The following XPC variants were observed in gnomAD, a reference collection of about 807,000 sequenced individuals.
XPC encodes DNA repair protein complementing XP-C cells.
A neutral mutation model predicts 95.8 loss-of-function variants in XPC; 76 were observed. That is an observed-to-expected ratio of 0.79 (90% CI 0.66 to 0.96). The LOEUF (loss-of-function observed/expected upper bound fraction) is 0.96. Ranked by LOEUF, XPC falls within the 40% of genes least tolerant of loss-of-function variation. The pLI, the probability that XPC is intolerant of heterozygous loss-of-function variation, is 0.00. For synonymous variants in XPC, 442 were observed against 442.1 expected, an observed-to-expected ratio of 1.00 and a Z score of 0.00; for missense variants, 1,146 against 1,179.8, an observed-to-expected ratio of 0.97 and a Z score of 0.42.
chr3:14,152,745 A>G (rs1387250520), intron 10 of XPC: 1 of 265,990 alleles, frequency 3.8e-6, no homozygotes, highest in East Asian at 9.9e-5. Context: ...GATGGGGTAA[A>G]GGCCGCTGTG....
rs749416355 is a variant in XPC at position 14,168,274 on chromosome 3, C to T, written c.519G>A (p.Ala173=). The change falls in exon 4 of 16, where the codon GCG becomes GCA. Residue 173 remains alanine (A), a synonymous_variant. Transcript: ENST00000285021. ...VEIEIETPEQ[A]KTRERSEKIK... ...AAGCTTACCTTCTTTCTCTTGTCTT[C>T]GCCTGCTCTGGCGTTTCAATCTCTA... 3.7e-6 allele frequency: 6 copies of T among 1,612,540 alleles called. No homozygotes were observed. In the African/African-American group the frequency reaches 4.0e-5, roughly 11 times the overall value.
In XPC at chr3:14,167,223, A is replaced by T; in HGVS notation, c.567T>A (p.Tyr189Ter). Residue 189 changes from tyrosine to a stop codon, truncating the protein, a stop_gained, in exon 5 of 16, where the codon TAT becomes TAA. Transcript: ENST00000285021. LOFTEE classifies it high-confidence loss of function. ...SEKIKLEFETYLRRAMKRFNK... is the reference protein window; with the variant it reads ...SEKIKLEFET ...TGAAACGTTTCATCGCCCTCCGAAGATATGTCTCAAACTCCAGTTTTATCT... is the reference window on the plus strand; with the variant it reads ...TGAAACGTTTCATCGCCCTCCGAAGTTATGTCTCAAACTCCAGTTTTATCT... 1 of 1,611,188 alleles carries T rather than the reference A, an allele frequency of 6.2e-7. No individual in the cohort carries two copies. Among genetic ancestry groups the T allele is most frequent in the Non-Finnish European group, 8.5e-7 (1 of 1,178,624 alleles).
chr3:14,152,487 G>C, intron 10 of XPC, 71 bp from the exon 11 acceptor site: 1 of 1,455,250 alleles, frequency 6.9e-7, no homozygotes, highest in Non-Finnish European at 9.4e-7. Context: ...GGACAGTGGA[G>C]AGCGCAGCCC....
intron 11 of XPC, chr3:14,151,597 T>C (rs1441801595): frequency 6.6e-6 from 1 of 152,080 alleles, no homozygotes; most frequent in Non-Finnish European, 1.5e-5. Context: ...TCCCGGAGTC[T>C]TGCAACCCCC....
intron 1 of XPC, among the ~76,000 whole-genome samples, chr3:14,177,052 C>T (rs1186406843): frequency 6.6e-6 from 1 of 152,122 alleles, no homozygotes; most frequent in African/African-American, 2.4e-5. Flanking sequence ...CCACTGCACT[C>T]CAGCCTCAGC....
intron 1 of XPC, among the ~76,000 whole-genome samples, chr3:14,175,220 A>G (rs1234046943): frequency 6.6e-6 from 1 of 152,056 alleles, no homozygotes; most frequent in East Asian, 1.9e-4. Flanking sequence ...TTTTCCCCAG[A>G]ACTTCCTATG....
Position 14,158,981 on chromosome 3 carries a change from T to G in XPC, c.991-89A>C. ...AATCCTGTAATCTAATAGGGTTAAG[T>G]CACCAGCTAGAGAACCAATACATCA... On this transcript the variant is annotated intron_variant, in intron 8 of 15. Transcript: ENST00000285021. The surrounding 1 kb of genome is among the most constrained non-coding windows in gnomAD (Gnocchi z 5.2). 1 of 1,541,666 alleles carries G rather than the reference T, an allele frequency of 6.5e-7. No homozygotes were observed. Among genetic ancestry groups the G allele is most frequent in the Non-Finnish European group, 8.8e-7 (1 of 1,130,666 alleles).
At position 14,148,563 on chromosome 3, in the gene XPC, C is replaced by G. The variant is rs745660242; in HGVS notation, c.2419G>C (p.Val807Leu). The stretch of plus-strand genomic sequence containing the variant: ...CTCCATCGAAGGCCCCTCACGCACA[C>G]GGGATGGGAGTAGCCGCCATGGAAA... ...FDFHGGYSHP[V>L]TDGYIVCEEF... The change falls in exon 13 of 16, where the codon GTG becomes CTG. Residue 807 changes from valine to leucine, a missense_variant and splice_region_variant. Coordinates refer to ENST00000285021, the MANE Select transcript of XPC (RefSeq NM_004628.5). 4.3e-6 allele frequency: 7 copies of G among 1,613,600 alleles called. No individual in the cohort carries two copies. The highest frequency in any genetic ancestry group is 5.1e-6 in the Non-Finnish European group (6 of 1,179,804).
At chr3:14,175,407 T>G (rs1031352361) in intron 1 of XPC, among the ~76,000 whole-genome samples, 1 of 152,196 alleles carries the variant, frequency 6.6e-6, no homozygotes, top group African/African-American at 2.4e-5. Context: ...CACAGCAGTC[T>G]TAGCACAGGG....
rs749372613 is a variant in XPC at position 14,145,899 on chromosome 3, G to A, written c.*42C>T. 5.1e-6 allele frequency: 8 copies of A among 1,583,078 alleles called. No homozygotes were observed. In the Admixed American group the frequency reaches 1.2e-4, roughly 24 times the overall value. ...AGGGCAGGTGTGGGGCCTGTAGTGGGGCAGCAGCAACTGGTGGGTGCCCCT... is the reference window on the plus strand; with the variant it reads ...AGGGCAGGTGTGGGGCCTGTAGTGGAGCAGCAGCAACTGGTGGGTGCCCCT... On this transcript the variant is annotated 3_prime_UTR_variant, in exon 16 of 16. Transcript: ENST00000285021.
rs982967274 is a variant in XPC at position 14,148,866 on chromosome 3, A to G, written c.2198T>C (p.Phe733Ser). 8 of 1,614,006 alleles carry G rather than the reference A, an allele frequency of 5.0e-6. No individual in the cohort carries two copies. Among genetic ancestry groups the G allele is most frequent in the Non-Finnish European group, 6.8e-6 (8 of 1,179,892 alleles). The change falls in exon 12 of 16, where the codon TTT (phenylalanine) becomes TCT (serine). Residue 733 changes from phenylalanine to serine, a missense_variant. Physicochemically the swap from Phe to Ser is radical, Grantham distance 155. Coordinates refer to ENST00000285021, the MANE Select transcript of XPC (RefSeq NM_004628.5). ...ATACTCCTCTGTCTGCCAGTAGCCAAACAGGCCCAGGTCATTTTCTTCCCG... is the reference window on the plus strand; with the variant it reads ...ATACTCCTCTGTCTGCCAGTAGCCAGACAGGCCCAGGTCATTTTCTTCCCG... ...QLREENDLGL[F>S]GYWQTEEYQP...
rs761019889 is a variant in XPC, at chr3:14,165,580, G to A, written c.627C>T (p.His209=). 1.2e-6 allele frequency: 2 copies of A among 1,613,224 alleles called. No homozygotes were observed. Among genetic ancestry groups the A allele is most frequent in the Admixed American group, 1.7e-5 (1 of 59,916 alleles). ...KGVHEDTHKV[H]LLCLLANGFY... is the part of the protein sequence containing the mutation. ...AGCCATTTGCTAGCAGGCAGAGAAG[G>A]TGAACCTGTGAAGAGGAAAGGAGGA... Residue 209 remains histidine, a synonymous_variant, in exon 6 of 16, where the codon CAC becomes CAT. Coordinates refer to ENST00000285021, the MANE Select transcript of XPC (RefSeq NM_004628.5).
intron 7 of XPC, among the ~76,000 whole-genome samples, chr3:14,163,971 C>T (rs552345140): frequency 2.0e-5 from 3 of 152,322 alleles, no homozygotes; most frequent in East Asian, 3.9e-4. Context: ...ATCACTTGAA[C>T]CCAGGAGGTG....
At chr3:14,154,544 G>C (rs752673559) in intron 10 of XPC, among the ~76,000 whole-genome samples, 1 of 152,152 alleles carries the variant, frequency 6.6e-6, no homozygotes, top group Admixed American at 6.5e-5. Context: ...AGCCAGTCAC[G>C]ATGTGACTAT....
rs1188636845 is a variant in XPC at position 14,145,728 on chromosome 3, G to T, written c.*213C>A. ...AAAAAGCTTTGAAGGCTTCACCCTG[G>T]GTGAATCTGACAAGGGCTGGAGCCA... On this transcript the variant is annotated 3_prime_UTR_variant, in exon 16 of 16. Coordinates refer to ENST00000285021, the MANE Select transcript of XPC (RefSeq NM_004628.5). The T allele has an allele frequency of 4.2e-6, 3 of 712,256 alleles. No homozygotes were observed. The highest frequency in any genetic ancestry group is 3.0e-5 in the South Asian group (2 of 66,950). 44.1% of individuals were successfully genotyped at this position (712,256 alleles called of 1,614,324 possible).
Position 14,148,635 on chromosome 3 carries a change from C to T in XPC, c.2347G>A (p.Ala783Thr). The change falls in exon 13 of 16, where the codon GCC becomes ACC. Residue 783 changes from alanine to threonine, a missense_variant. Coordinates refer to ENST00000285021, the MANE Select transcript of XPC (RefSeq NM_004628.5). ...QLNLPNLHRV[A>T]RKLDIDCVQA... Reference sequence around the variant, plus strand: ...ACACAGTCGATGTCCAGCTTGCGGGCCACGCGGTGTAGATTGGGCAGGTTC... The same window carrying T: ...ACACAGTCGATGTCCAGCTTGCGGGTCACGCGGTGTAGATTGGGCAGGTTC... The T allele has an allele frequency of 6.2e-7, 1 of 1,614,052 alleles. No individual in the cohort carries two copies.
rs371771534 is a variant in XPC, at chr3:14,165,616, T to C, written c.622-31A>G. On this transcript the variant is annotated intron_variant, in intron 5 of 15. Transcript: ENST00000285021. Reference sequence around the variant, plus strand: ...AAGAGGAAAGGAGGAAGGGGCAGCATGGAAGGAAGGCCGGACACCAGGAGG... The same window carrying C: ...AAGAGGAAAGGAGGAAGGGGCAGCACGGAAGGAAGGCCGGACACCAGGAGG... 6.2e-6 allele frequency: 10 copies of C among 1,610,382 alleles called. No homozygotes were observed. In the African/African-American group the frequency reaches 1.2e-4, roughly 19 times the overall value.
At chr3:14,153,451 A>G (rs1695779377) in intron 10 of XPC, 1 of 152,286 alleles carries the variant, frequency 6.6e-6, no homozygotes, top group Non-Finnish European at 1.5e-5. Flanking sequence ...GAGATATTCA[A>G]TACTTCATTA....
intron 7 of XPC, among the ~76,000 whole-genome samples, chr3:14,162,289 T>C (rs2125031788): frequency 6.6e-6 from 1 of 152,316 alleles, no homozygotes; most frequent in African/African-American, 2.4e-5. Context: ...AAACAGATCA[T>C]CAAATTCATA....
Sources: gnomAD v4.1 joint callset for allele counts (sites outside exome capture counted in the v4.1 genomes callset) on GRCh38, gnomAD v4.1.1 for gene constraint, Gnocchi (gnomAD v3.1) non-coding constraint, MANE v1.5 for transcripts, NCBI Gene and HGNC (gene_info 2026-07-23, HGNC 2026-07-21) for gene names.